The following RFNG variants were observed in gnomAD, a reference collection of about 807,000 sequenced individuals.
RFNG encodes the protein RFNG O-fucosylpeptide 3-beta-N-acetylglucosaminyltransferase.
RFNG carries 37 observed loss-of-function variants against 29.6 expected under a neutral mutation model. That is an observed-to-expected ratio of 1.25 (90% CI 0.96 to 1.65). The LOEUF is 1.65. RFNG is among the 40% of genes most tolerant of loss of function. The probability of loss-of-function intolerance (pLI) is 0.00; values close to 1 mark genes in which losing one functional copy is unlikely to be tolerated. For missense variants in RFNG, 546 were observed against 457.0 expected (o/e 1.19, Z -1.78); for synonymous variants, 276 against 197.3 (o/e 1.40, Z -3.34).
rs2144192021 is a variant in RFNG, at chr17:82,049,083, G to A, written c.862C>T (p.His288Tyr). Residue 288 changes from histidine to tyrosine, a missense_variant, in exon 7 of 8, where the codon CAT becomes TAT. By Grantham distance (83) the His-to-Tyr change is moderately conservative. Coordinates refer to ENST00000310496, the MANE Select transcript of RFNG (RefSeq NM_002917.2). ...CCTCCAGCCACGTTCACCACGTTATGTGGGTTCTCAGGACCCCCATGGCTC... is the reference window on the plus strand; with the variant it reads ...CCTCCAGCCACGTTCACCACGTTATATGGGTTCTCAGGACCCCCATGGCTC... The part of the protein sequence containing the change: ...TLSHGGPENP[H>Y]NVVNVAGGFS... The A allele has an allele frequency of 1.2e-6, 2 of 1,613,552 alleles. No homozygotes were observed. The highest frequency in any genetic ancestry group is 1.3e-5 in the African/African-American group (1 of 75,034).
In RFNG at chr17:82,048,494, C is replaced by A. The variant is rs889728744; in HGVS notation, c.*232G>T. ...CTTGGGGCTGGGTCGGGGGGAGGGG[C>A]ACTGCGGCCCTGGCCATCAGCCTGG... is the stretch of plus-strand genomic sequence containing the variant. On this transcript the variant is annotated 3_prime_UTR_variant, in exon 8 of 8. Transcript: ENST00000310496. 23 of 559,594 alleles carry A rather than the reference C, an allele frequency of 4.1e-5. No individual in the cohort carries two copies. The highest frequency in any genetic ancestry group is 6.1e-5 in the Non-Finnish European group (19 of 310,164). The allele number at this position is 559,594 out of a possible 1,614,324, so 34.7% of individuals were successfully genotyped here. A position where few individuals can be genotyped will look rare whatever the true frequency, so the allele number is the denominator to read the frequency against.
At position 82,051,101 on chromosome 17, in the gene RFNG, T is replaced by G; in HGVS notation, c.316+193A>C. 7.4e-7 allele frequency: 1 copy of G among 1,356,030 alleles called. No individual in the cohort carries two copies. The allele number at this position is 1,356,030 out of a possible 1,614,324, so 84.0% of individuals were successfully genotyped here. ...CCGGGAAGCGGCTAGTGTGAGAGGC[T>G]GGTGGGGAGCAGAGCTTGGCTGGCA... On this transcript the variant is annotated intron_variant, in intron 2 of 7. Coordinates refer to ENST00000310496, the MANE Select transcript of RFNG (RefSeq NM_002917.2). This position sits in a 1 kb window ranked among gnomAD's most constrained non-coding sequence, Gnocchi z 4.1.
intron 4 of RFNG, 82 bp from the exon 5 acceptor site, chr17:82,050,088 C>T (rs1598468867): frequency 1.6e-6 from 2 of 1,226,270 alleles, no homozygotes; most frequent in Non-Finnish European, 2.3e-6. Flanking sequence ...AGGCATCTTT[C>T]TTAAGCTGCC....
rs1437136607 is a variant in RFNG, at chr17:82,051,449, G to T, written c.267+51C>A. The T allele has an allele frequency of 2.2e-6, 3 of 1,344,770 alleles. No homozygotes were observed. 83.3% of individuals were successfully genotyped at this position (1,344,770 alleles called of 1,614,324 possible). ...CCTGGGCCGGGCCTAGACCCTGGGA[G>T]GCGGGGCGGGTGGGCGTGGGGCTCG... On this transcript the variant is annotated intron_variant, in intron 1 of 7. Coordinates refer to ENST00000310496, the MANE Select transcript of RFNG (RefSeq NM_002917.2). This position sits in a 1 kb window ranked among gnomAD's most constrained non-coding sequence, Gnocchi z 4.1.
chr17:82,050,111 C>G, intron 4 of RFNG, 105 bp from the exon 5 acceptor site: 1 of 1,031,302 alleles, frequency 9.7e-7, no homozygotes, highest in South Asian at 1.4e-5. Flanking sequence ...TTAGGAGATC[C>G]CACCCAGGTA....
chr17:82,048,948 C>T lies in RFNG; in HGVS notation c.914+83G>A, dbSNP rs543653992. 1.6e-4 allele frequency: 239 copies of T among 1,479,760 alleles called. 1 individual carries two copies. The South Asian group carries it at 2.4e-3, about 15-fold the overall frequency. 91.7% of individuals were successfully genotyped at this position (1,479,760 alleles called of 1,614,324 possible). ...TCAGGGCCGTGGGCGGAGGGAGCAG[C>T]GGGGGTCAGGGCCGTGGGTAGAGGG... On this transcript the variant is annotated intron_variant, in intron 7 of 7. Transcript: ENST00000310496.
Position 82,049,974 on chromosome 17 carries a change from A to T in RFNG, c.606T>A (p.Gly202=), listed in dbSNP as rs2030197080. 6.2e-7 allele frequency: 1 copy of T among 1,612,380 alleles called. No individual in the cohort carries two copies. Among genetic ancestry groups the T allele is most frequent in the Middle Eastern group, 1.7e-4 (1 of 6,054 alleles). Reference sequence around the variant, plus strand: ...CTCTGCTGAGGCAGAACCCGGCCCCACCAGTAGCAAACCAGAACTTGACCG... The same window carrying T: ...CTCTGCTGAGGCAGAACCCGGCCCCTCCAGTAGCAAACCAGAACTTGACCG... ...VTTVKFWFAT[G]GAGFCLSRGL... The change falls in exon 5 of 8, where the codon GGT becomes GGA. Residue 202 remains glycine, a synonymous_variant. Coordinates refer to ENST00000310496, the MANE Select transcript of RFNG (RefSeq NM_002917.2).
Position 82,050,761 on chromosome 17 carries a change from T to G in RFNG, c.320A>C (p.Asp107Ala). The change falls in exon 3 of 8, where the codon GAC (aspartate) becomes GCC (alanine). Residue 107 changes from aspartate (D) to alanine (A), a missense_variant. Physicochemically the swap from Asp to Ala is moderately radical, Grantham distance 126. Transcript: ENST00000310496. The stretch of plus-strand genomic sequence containing the variant: ...CGAGCAGTTGGTGTTGATGACACGG[T>G]CGCCTGCGAATCAGAGACGGGAAGC... ...DDPELELQGG[D>A]RVINTNCSAV... The G allele has an allele frequency of 1.2e-6, 2 of 1,612,748 alleles. No homozygotes were observed. Among genetic ancestry groups the G allele is most frequent in the Non-Finnish European group, 1.7e-6 (2 of 1,179,818 alleles).
Position 82,048,723 on chromosome 17 carries a change from G to T in RFNG, c.*3C>A. 1.2e-6 allele frequency: 2 copies of T among 1,611,840 alleles called. No homozygotes were observed. The highest frequency in any genetic ancestry group is 8.5e-7 in the Non-Finnish European group (1 of 1,179,240). ...AGGCAGCCCTGGGTCGGGGTGGTTG[G>T]TGTCACCGAGAGGTCGGGGCGCCCT... On this transcript the variant is annotated 3_prime_UTR_variant, in exon 8 of 8. Transcript: ENST00000310496.
rs892155272 is a variant in RFNG, at chr17:82,051,077, C to T, written c.316+217G>A. Reference sequence around the variant, plus strand: ...GGGACGTGGCACTAGCCCCACGCCCCGGGAAGCGGCTAGTGTGAGAGGCTG... The same window carrying T: ...GGGACGTGGCACTAGCCCCACGCCCTGGGAAGCGGCTAGTGTGAGAGGCTG... On this transcript the variant is annotated intron_variant, in intron 2 of 7. Transcript: ENST00000310496. The surrounding 1 kb of genome is among the most constrained non-coding windows in gnomAD (Gnocchi z 4.1). 2.2e-6 allele frequency: 3 copies of T among 1,365,330 alleles called. No individual in the cohort carries two copies. The highest frequency in any genetic ancestry group is 1.9e-6 in the Non-Finnish European group (2 of 1,064,460). 84.6% of individuals were successfully genotyped at this position (1,365,330 alleles called of 1,614,324 possible).
chr17:82,050,035 C>T, intron 4 of RFNG, 29 bp from the exon 5 acceptor site: 1 of 1,566,660 alleles, frequency 6.4e-7, no homozygotes, highest in Non-Finnish European at 8.7e-7. Context: ...TCAGAGCTGC[C>T]CAGGACAGGG....
intron 4 of RFNG, 56 bp from the exon 5 acceptor site, chr17:82,050,062 C>A (rs528430163): frequency 7.3e-7 from 1 of 1,378,630 alleles, no homozygotes; most frequent in African/African-American, 1.4e-5. Flanking sequence ...ACCCCTGACT[C>A]TTCATGGGAC....
At chr17:82,049,895 C>T (rs749685349) in intron 5 of RFNG, 23 bp downstream of exon 5, 34 of 1,610,858 alleles carry the variant, frequency 2.1e-5, no homozygotes, top group Admixed American at 1.5e-4. Context: ...CCTCCCAGCC[C>T]GGGCAGCTGG....
chr17:82,051,014 G>T lies in RFNG; in HGVS notation c.317-250C>A. ...GGACGGAGGCAGCTCGCCCTGACCT[G>T]GCCTGGAAGGGCGGATTCCCTGCTG... On this transcript the variant is annotated intron_variant, in intron 2 of 7. Coordinates refer to ENST00000310496, the MANE Select transcript of RFNG (RefSeq NM_002917.2). This position sits in a 1 kb window ranked among gnomAD's most constrained non-coding sequence, Gnocchi z 4.1. The T allele has an allele frequency of 7.1e-7, 1 of 1,403,482 alleles. No homozygotes were observed. The highest frequency in any genetic ancestry group is 3.2e-5 in the Admixed American group (1 of 31,698). The allele number at this position is 1,403,482 out of a possible 1,614,324, so 86.9% of individuals were successfully genotyped here.
chr17:82,049,648 G>A, intron 6 of RFNG, 29 bp downstream of exon 6: 15 of 1,459,926 alleles, frequency 1.0e-5, no homozygotes, highest in South Asian at 1.4e-5. Context: ...AAGCCCAGGT[G>A]GCAGAGGCAC....
Position 82,050,540 on chromosome 17 carries a change from C to T in RFNG, c.435G>A (p.Val145=), listed in dbSNP as rs754979506. Residue 145 remains valine (V), a synonymous_variant, in exon 4 of 8, where the codon GTG becomes GTA. Coordinates refer to ENST00000310496, the MANE Select transcript of RFNG (RefSeq NM_002917.2). The stretch of plus-strand genomic sequence containing the variant: ...TGGCGTTCACATAATTGTCATCATC[C>T]ACGTGGCAAAACCACCTGTGGGCGA... The part of the protein sequence containing the change: ...IESGRKWFCH[V]DDDNYVNARS... 5.6e-6 allele frequency: 9 copies of T among 1,611,762 alleles called. 1 individual carries two copies. The South Asian group carries it at 8.8e-5, about 16-fold the overall frequency.
Position 82,051,184 on chromosome 17 carries a change from G to C in RFNG, c.316+110C>G. ...CAGCGTCGGGGCCTCCCCGGGCCTC[G>C]GGAGCCTGGGCAGAGAAAGGCACCC... On this transcript the variant is annotated intron_variant, in intron 2 of 7. Transcript: ENST00000310496. This position sits in a 1 kb window ranked among gnomAD's most constrained non-coding sequence, Gnocchi z 4.1. The C allele has an allele frequency of 7.7e-7, 1 of 1,305,872 alleles. No homozygotes were observed. Among genetic ancestry groups the C allele is most frequent in the Non-Finnish European group, 9.8e-7 (1 of 1,024,462 alleles). The allele number at this position is 1,305,872 out of a possible 1,614,324, so 80.9% of individuals were successfully genotyped here.
chr17:82,050,167 A>G, intron 4 of RFNG, 161 bp from the exon 5 acceptor site: 1 of 792,934 alleles, frequency 1.3e-6, no homozygotes, highest in East Asian at 2.7e-5. Context: ...TCTGCAGGCC[A>G]TTGACCCGTA....
At chr17:82,049,170 G>A (rs752924627) in intron 6 of RFNG, 54 bp from the exon 7 acceptor site, 12 of 1,455,066 alleles carry the variant, frequency 8.2e-6, no homozygotes, top group South Asian at 2.3e-5. Flanking sequence ...CTCGGGCCAC[G>A]CCTGCCCCTG....
Sources: allele counts gnomAD v4.1 joint callset, GRCh38; gene constraint gnomAD v4.1.1; non-coding constraint Gnocchi (gnomAD v3.1); transcripts MANE v1.5; gene names NCBI Gene and HGNC (gene_info 2026-07-23, HGNC 2026-07-21).